The following PCSK9 variants were observed in gnomAD, a reference collection of about 807,000 sequenced individuals.
PCSK9 encodes convertase subtilisin/kexin type 9 preproprotein.
PCSK9 carries 57 observed loss-of-function variants against 62.1 expected under a neutral mutation model. The ratio of observed to expected loss-of-function variants is 0.92; its 90% CI spans 0.74 to 1.14. PCSK9 has a LOEUF of 1.14. PCSK9 is among the 50% of genes most tolerant of loss of function. The pLI, the probability that PCSK9 is intolerant of heterozygous loss-of-function variation, is 0.00. For missense variants in PCSK9, 870 were observed against 959.8 expected, an observed-to-expected ratio of 0.91 and a Z score of 1.24; for synonymous variants, 387 against 409.4, an observed-to-expected ratio of 0.95 and a Z score of 0.66.
chr1:55,039,945 C>T lies in PCSK9; in HGVS notation c.108C>T (p.Gly36=), dbSNP rs1482718750. The T allele has an allele frequency of 2.5e-6, 4 of 1,574,344 alleles. No homozygotes were observed. The highest frequency in any genetic ancestry group is 1.3e-5 in the African/African-American group (1 of 74,234). ...AGARAQEDED[G]DYEELVLALR... is the part of the protein sequence containing the mutation. The stretch of plus-strand genomic sequence containing the variant: ...CCCGTGCGCAGGAGGACGAGGACGG[C>T]GACTACGAGGAGCTGGTGCTAGCCT... The change falls in exon 1 of 12, where the codon GGC becomes GGT. Residue 36 remains glycine (G), a synonymous_variant. Coordinates refer to ENST00000302118, the MANE Select transcript of PCSK9 (RefSeq NM_174936.4).
At chr1:55,046,421 G>C in intron 2 of PCSK9, 102 bp from the exon 3 acceptor site, 1 of 1,558,812 alleles carries the variant, frequency 6.4e-7, no homozygotes, top group South Asian at 1.1e-5. Context: ...TGCTGGGCTG[G>C]GATGTGGGGA....
At chr1:55,049,552 A>T (rs1644658716) in intron 3 of PCSK9, among the ~76,000 whole-genome samples, 1 of 152,200 alleles carries the variant, frequency 6.6e-6, no homozygotes. Flanking sequence ...TGTCACAGGG[A>T]ACTAGCAGCC....
At position 55,040,957 on chromosome 1, in the gene PCSK9, T is replaced by TGTCCCCCAGCTTGGA. The variant is rs1644594664; in HGVS notation, c.207+917_207+931dup. On this transcript the variant is annotated intron_variant, in intron 1 of 11. Transcript: ENST00000302118. This position sits in a 1 kb window ranked among gnomAD's most constrained non-coding sequence, Gnocchi z 4.1. Reference sequence around the variant, plus strand: ...AGCCCAGGACTTGGCTGAGGTTCTGTGTCCCCCAGCTTGGAGTCAGATGTG... The same window carrying TGTCCCCCAGCTTGGA: ...AGCCCAGGACTTGGCTGAGGTTCTGTGTCCCCCAGCTTGGAGTCCCCCAGCTTGGAGTCAGATGTG... Among the ~76,000 whole-genome samples, 1 of 152,234 alleles carries TGTCCCCCAGCTTGGA rather than the reference T, an allele frequency of 6.6e-6. No homozygotes were observed. The highest frequency in any genetic ancestry group is 6.5e-5 in the Admixed American group (1 of 15,284).
At chr1:55,053,843 G>T (rs982745854) in intron 5 of PCSK9, among the ~76,000 whole-genome samples, 1 of 152,196 alleles carries the variant, frequency 6.6e-6, no homozygotes, top group Non-Finnish European at 1.5e-5. Context: ...GTGTGGAGGG[G>T]AGGCTGTTCT....
chr1:55,039,937 G>A lies in PCSK9; in HGVS notation c.100G>A (p.Glu34Lys), dbSNP rs371030381. Reference sequence around the variant, plus strand: ...CGCGGGCGCCCGTGCGCAGGAGGACGAGGACGGCGACTACGAGGAGCTGGT... The same window carrying A: ...CGCGGGCGCCCGTGCGCAGGAGGACAAGGACGGCGACTACGAGGAGCTGGT... ...GPAGARAQEDEDGDYEELVLA... is the reference protein window; with the variant it reads ...GPAGARAQEDKDGDYEELVLA... Residue 34 changes from glutamate to lysine, a missense_variant, in exon 1 of 12, where the codon GAG becomes AAG. Transcript: ENST00000302118. 3.8e-6 allele frequency: 6 copies of A among 1,573,036 alleles called. No individual in the cohort carries two copies. The Middle Eastern group carries it at 5.8e-4, about 151-fold the overall frequency.
chr1:55,057,945 T>C, intron 7 of PCSK9, 91 bp from the exon 8 acceptor site: 5 of 1,521,422 alleles, frequency 3.3e-6, no homozygotes, highest in Non-Finnish European at 4.6e-6. Flanking sequence ...TGTTTGTGTG[T>C]ATGTGTGTGC....
chr1:55,055,096 A>G (rs1644704093), intron 5 of PCSK9, among the ~76,000 whole-genome samples: 1 of 151,672 alleles, frequency 6.6e-6, no homozygotes, highest in Non-Finnish European at 1.5e-5. Flanking sequence ...AGTGCCACTG[A>G]GGCCAGAAGG....
intron 8 of PCSK9, 80 bp downstream of exon 8, chr1:55,058,289 C>T: frequency 6.5e-7 from 1 of 1,539,334 alleles, no homozygotes; most frequent in Non-Finnish European, 8.8e-7. Context: ...TCCCTTCTCC[C>T]TTGTCTGTGT....
At chr1:55,042,393 T>C (rs1471536004) in intron 1 of PCSK9, among the ~76,000 whole-genome samples, 1 of 152,250 alleles carries the variant, frequency 6.6e-6, no homozygotes, top group African/African-American at 2.4e-5. Context: ...TGTGTGAATA[T>C]GCATATTCAT....
chr1:55,050,866 T>C (rs1255573909), intron 3 of PCSK9: 1 of 317,370 alleles, frequency 3.2e-6, no homozygotes, highest in African/African-American at 2.3e-5. Flanking sequence ...TCTTTGTAGA[T>C]GTAATTAAGC....
intron 6 of PCSK9, among the ~76,000 whole-genome samples, chr1:55,056,446 G>A (rs560397661): frequency 6.6e-6 from 1 of 152,186 alleles, no homozygotes; most frequent in Non-Finnish European, 1.5e-5. Context: ...ACGTAGCGGC[G>A]CCTACGTAGC....
intron 3 of PCSK9, among the ~76,000 whole-genome samples, chr1:55,050,667 G>C (rs1007420570): frequency 6.6e-6 from 1 of 152,148 alleles, no homozygotes; most frequent in African/African-American, 2.4e-5. Flanking sequence ...CTCACAGTTC[G>C]GACTGTGCCC....
chr1:55,051,879 T>C, intron 3 of PCSK9: 1 of 320,120 alleles, frequency 3.1e-6, no homozygotes, highest in Non-Finnish European at 6.1e-6. Context: ...CCTTTGAGTC[T>C]TTAAATCTTG....
At chr1:55,058,311 C>T (rs584626) in intron 8 of PCSK9, 102 bp downstream of exon 8, 1,244,372 of 1,497,064 alleles carry the variant, frequency 0.83, 518,148 homozygotes, top group East Asian at 0.98. Context: ...AGGAGGATGA[C>T]GCCACCTTAA....
chr1:55,044,586 T>C (rs747039310), intron 2 of PCSK9, among the ~76,000 whole-genome samples: 14 of 150,748 alleles, frequency 9.3e-5, no homozygotes, highest in African/African-American at 1.7e-4. Flanking sequence ...CCCTAGTGCT[T>C]CAAATCTTAA....
chr1:55,041,653 T>C (rs1183811874), intron 1 of PCSK9, among the ~76,000 whole-genome samples: 1 of 152,226 alleles, frequency 6.6e-6, no homozygotes, highest in Non-Finnish European at 1.5e-5. Context: ...AAATAATTTT[T>C]AGACCAATCC....
Position 55,063,613 on chromosome 1 carries a change from G to C in PCSK9, c.*29G>C. 1 of 1,604,164 alleles carries C rather than the reference G, an allele frequency of 6.2e-7. No individual in the cohort carries two copies. The highest frequency in any genetic ancestry group is 8.5e-7 in the Non-Finnish European group (1 of 1,175,948). ...CCCCATCCCAGGATGGGTGTCTGGGGAGGGTCAAGGGCTGGGGCTGAGCTT... is the reference window on the plus strand; with the variant it reads ...CCCCATCCCAGGATGGGTGTCTGGGCAGGGTCAAGGGCTGGGGCTGAGCTT... On this transcript the variant is annotated 3_prime_UTR_variant, in exon 12 of 12. Coordinates refer to ENST00000302118, the MANE Select transcript of PCSK9 (RefSeq NM_174936.4).
At position 55,044,031 on chromosome 1, in the gene PCSK9, G is replaced by A. The variant is rs758580558; in HGVS notation, c.396G>A (p.Glu132=). 15 of 1,614,160 alleles carry A rather than the reference G, an allele frequency of 9.3e-6. No homozygotes were observed. In the South Asian group the frequency reaches 9.9e-5, roughly 11 times the overall value. ...FLVKMSGDLL[E]LALKLPHVDY... ...TGAAGATGAGTGGCGACCTGCTGGAGCTGGTGAGCCACCCTTTTTGGGAAT... is the reference window on the plus strand; with the variant it reads ...TGAAGATGAGTGGCGACCTGCTGGAACTGGTGAGCCACCCTTTTTGGGAAT... The change falls in exon 2 of 12, where the codon GAG becomes GAA. Residue 132 remains glutamate, a synonymous_variant. Transcript: ENST00000302118.
At chr1:55,054,581 G>C (rs558907257) in intron 5 of PCSK9, among the ~76,000 whole-genome samples, 64 of 152,214 alleles carry the variant, frequency 4.2e-4, no homozygotes, top group African/African-American at 1.3e-3. Flanking sequence ...GATCCAGAAG[G>C]CTCCCACACC....
Sources: gnomAD v4.1 joint callset for allele counts (sites outside exome capture counted in the v4.1 genomes callset) on GRCh38, gnomAD v4.1.1 for gene constraint, Gnocchi (gnomAD v3.1) non-coding constraint, MANE v1.5 for transcripts, NCBI Gene and HGNC (gene_info 2026-07-23, HGNC 2026-07-21) for gene names.